The following ITK variants were observed in gnomAD, a reference collection of about 807,000 sequenced individuals.
ITK encodes the protein tyrosine-protein kinase ITK/TSK.
In ITK, 45 loss-of-function variants were observed where a neutral mutation model predicts 87.6. The ratio of observed to expected loss-of-function variants is 0.51; its 90% CI spans 0.40 to 0.66. ITK has a LOEUF of 0.66. Ranked by LOEUF, ITK falls within the 30% of genes least tolerant of loss-of-function variation. The probability of loss-of-function intolerance (pLI) is 0.00; values close to 1 mark genes in which losing one functional copy is unlikely to be tolerated. For missense variants in ITK, 605 were observed against 766.3 expected, an observed-to-expected ratio of 0.79 and a Z score of 2.48; for synonymous variants, 303 against 273.6, an observed-to-expected ratio of 1.11 and a Z score of -1.06.
intron 11 of ITK, among the ~76,000 whole-genome samples, chr5:157,242,219 T>C (rs146199591): frequency 1.8e-4 from 27 of 152,266 alleles, no homozygotes; most frequent in African/African-American, 6.5e-4. Flanking sequence ...GCCCCTACTA[T>C]GTTTTCTTGC....
chr5:157,237,209 G>A (rs1037066283), intron 8 of ITK, among the ~76,000 whole-genome samples: 12 of 152,288 alleles, frequency 7.9e-5, no homozygotes, highest in African/African-American at 2.6e-4. Context: ...GGTAACATGC[G>A]CCCTGAAAAA....
At chr5:157,217,987 C>G in intron 5 of ITK, 80 bp downstream of exon 5, 3 of 1,238,358 alleles carry the variant, frequency 2.4e-6, no homozygotes, top group Non-Finnish European at 3.6e-6. Flanking sequence ...ATGTCCCCCT[C>G]TCCCCATAGT....
chr5:157,239,682 G>C (rs1235317376), intron 9 of ITK, among the ~76,000 whole-genome samples: 15 of 152,158 alleles, frequency 9.9e-5, no homozygotes. Context: ...CAGCTTATTT[G>C]ACTTATGAAG....
chr5:157,182,061 C>A lies in ITK; in HGVS notation c.138+946C>A, dbSNP rs1273827571. Reference sequence around the variant, plus strand: ...TTCAAGATCCCTTTCTTCTTCAAAACTTCTTTGCTTTATGCAGTGGCTCTT... The same window carrying A: ...TTCAAGATCCCTTTCTTCTTCAAAAATTCTTTGCTTTATGCAGTGGCTCTT... On this transcript the variant is annotated intron_variant, in intron 1 of 16. Transcript: ENST00000422843. Among the ~76,000 whole-genome samples, 4 of 152,210 alleles carry A rather than the reference C, an allele frequency of 2.6e-5. No individual in the cohort carries two copies. In the East Asian group the frequency reaches 7.7e-4, roughly 29 times the overall value.
chr5:157,193,124 G>A (rs1753785058), intron 1 of ITK, among the ~76,000 whole-genome samples: 1 of 152,196 alleles, frequency 6.6e-6, no homozygotes, highest in African/African-American at 2.4e-5. Context: ...GGGAAGCTGA[G>A]GGAAGAGGAT....
intron 10 of ITK, chr5:157,241,101 C>A (rs1203096822): frequency 1.3e-5 from 2 of 153,470 alleles, no homozygotes; most frequent in Admixed American, 6.5e-5. Context: ...CCACATCCCG[C>A]TAATTTTGGT....
chr5:157,243,839 T>C, intron 12 of ITK, 45 bp downstream of exon 12: 2 of 1,578,372 alleles, frequency 1.3e-6, no homozygotes, highest in Non-Finnish European at 1.7e-6. Context: ...GGGGGGAACA[T>C]CGGTTCAGTG....
At position 157,240,937 on chromosome 5, in the gene ITK, CTTTCT is replaced by C. The variant is rs1475446389; in HGVS notation, c.986-705_986-701del. 13 of 126,286 alleles carry C rather than the reference CTTTCT, an allele frequency of 1.0e-4. No individual in the cohort carries two copies. The East Asian group carries it at 1.7e-3, about 16-fold the overall frequency. The allele number at this position is 126,286 out of a possible 1,614,324, so 7.8% of individuals were successfully genotyped here. ...TCTTTCTTTTCCTTTCTTTTCTTTTCTTTCTTTTTTTTTTTTTTGAGACAGAGTTT... is the reference window on the plus strand; with the variant it reads ...TCTTTCTTTTCCTTTCTTTTCTTTTCTTTTTTTTTTTTTGAGACAGAGTTT... On this transcript the variant is annotated intron_variant, in intron 10 of 16. Coordinates refer to ENST00000422843, the MANE Select transcript of ITK (RefSeq NM_005546.4).
chr5:157,253,767 GA>G lies in ITK; in HGVS notation c.*1092del, dbSNP rs1755196277. ...CCAAGTCTCCTAAAATTCTAGGAGAGAAATAAAGAGTCTGTTTTTGCTCAAA... is the reference window on the plus strand; with the variant it reads ...CCAAGTCTCCTAAAATTCTAGGAGAGAATAAAGAGTCTGTTTTTGCTCAAA... On this transcript the variant is annotated 3_prime_UTR_variant, in exon 17 of 17. Transcript: ENST00000422843. 1 of 216,792 alleles carries G rather than the reference GA, an allele frequency of 4.6e-6. No homozygotes were observed. Among genetic ancestry groups the G allele is most frequent in the South Asian group, 1.9e-4 (1 of 5,364 alleles). 13.4% of individuals were successfully genotyped at this position (216,792 alleles called of 1,614,324 possible).
intron 1 of ITK, among the ~76,000 whole-genome samples, chr5:157,208,386 G>A (rs1267255968): frequency 4.6e-5 from 7 of 152,082 alleles, no homozygotes; most frequent in Non-Finnish European, 8.8e-5. Flanking sequence ...AGTCAGGAAT[G>A]TCCTTTGGGA....
chr5:157,187,606 G>A (rs1293344993), intron 1 of ITK, among the ~76,000 whole-genome samples: 1 of 152,164 alleles, frequency 6.6e-6, no homozygotes, highest in Non-Finnish European at 1.5e-5. Context: ...GAACAAGGAA[G>A]AGGAAGATTC....
chr5:157,245,113 T>C (rs1754995926), intron 13 of ITK: 2 of 172,418 alleles, frequency 1.2e-5, no homozygotes, highest in Admixed American at 1.1e-4. Context: ...TAACCCTAGC[T>C]ACTTGGGAGG....
intron 15 of ITK, among the ~76,000 whole-genome samples, 155 bp from the exon 16 acceptor site, chr5:157,248,695 G>A (rs961809234): frequency 3.3e-5 from 5 of 152,180 alleles, no homozygotes; most frequent in African/African-American, 1.2e-4. Flanking sequence ...TTTAAAAATA[G>A]GACAGGCCTA....
chr5:157,189,910 A>C (rs557501533), intron 1 of ITK, among the ~76,000 whole-genome samples: 44 of 152,204 alleles, frequency 2.9e-4, no homozygotes, highest in Non-Finnish European at 5.3e-4. Flanking sequence ...GCCTACTGGA[A>C]AAAGTAGACC....
chr5:157,202,790 G>C (rs1754001880), intron 1 of ITK, among the ~76,000 whole-genome samples: 1 of 152,134 alleles, frequency 6.6e-6, no homozygotes, highest in Non-Finnish European at 1.5e-5. Flanking sequence ...GTTATGTTTT[G>C]CATTTTTGAA....
At chr5:157,184,032 G>A (rs912481673) in intron 1 of ITK, among the ~76,000 whole-genome samples, 1 of 152,156 alleles carries the variant, frequency 6.6e-6, no homozygotes. Context: ...TGTTTTCAGA[G>A]GGGCCAAGAA....
chr5:157,222,912 A>G lies in ITK; in HGVS notation c.545A>G (p.Tyr182Cys), dbSNP rs1175724581. 1.2e-6 allele frequency: 2 copies of G among 1,613,942 alleles called. No individual in the cohort carries two copies. The highest frequency in any genetic ancestry group is 1.3e-5 in the African/African-American group (1 of 74,870). Residue 182 changes from tyrosine to cysteine, a missense_variant, in exon 6 of 17, where the codon TAC (tyrosine) becomes TGC (cysteine). Around this residue, in one of 3 missense-constraint regions of ITK, gnomAD observed 464 missense variants for 578.0 expected, o/e 0.80. Coordinates refer to ENST00000422843, the MANE Select transcript of ITK (RefSeq NM_005546.4). Reference sequence around the variant, plus strand: ...ACTGTGGTCATTGCCTTATATGACTACCAAACCAATGATCCTCAGGAACTC... The same window carrying G: ...ACTGTGGTCATTGCCTTATATGACTGCCAAACCAATGATCCTCAGGAACTC... ...EETVVIALYD[Y>C]QTNDPQELAL... is the part of the protein sequence containing the mutation.
At chr5:157,223,646 G>A (rs1181987007) in intron 6 of ITK, among the ~76,000 whole-genome samples, 2 of 151,766 alleles carry the variant, frequency 1.3e-5, no homozygotes, top group African/African-American at 4.8e-5. Flanking sequence ...TATATCCGAT[G>A]TATTAACCCA....
At position 157,245,744 on chromosome 5, in the gene ITK, G is replaced by T; in HGVS notation, c.1468G>T (p.Val490Leu). Residue 490 changes from valine (V) to leucine (L), a missense_variant, in exon 14 of 17, where the codon GTG becomes TTG. Transcript: ENST00000422843. ...TCTCCAGGCTGCCAGAAATTGTTTGGTGGGAGAAAACCAAGTCATCAAGGT... is the reference window on the plus strand; with the variant it reads ...TCTCCAGGCTGCCAGAAATTGTTTGTTGGGAGAAAACCAAGTCATCAAGGT... ...HRDLAARNCL[V>L]GENQVIKVSD... 3 of 1,614,128 alleles carry T rather than the reference G, an allele frequency of 1.9e-6. No homozygotes were observed. Among genetic ancestry groups the T allele is most frequent in the Non-Finnish European group, 2.5e-6 (3 of 1,180,010 alleles).
Sources: gnomAD v4.1 joint callset for allele counts (sites outside exome capture counted in the v4.1 genomes callset) on GRCh38, gnomAD v4.1.1 for gene constraint, gnomAD v4.1.1 regional missense constraint, MANE v1.5 for transcripts, NCBI Gene and HGNC (gene_info 2026-07-23, HGNC 2026-07-21) for gene names.